Variants in PSMD13 observed in about 807,000 individuals in gnomAD.
PSMD13 encodes the protein 26S proteasome non-ATPase regulatory subunit 13.
Under a neutral mutation model 57.4 loss-of-function variants are expected in PSMD13, and 8 were observed. The ratio of observed to expected loss-of-function variants is 0.14; its 90% CI spans 0.08 to 0.25. The LOEUF is 0.25. Among genes scored for constraint, PSMD13 ranks in the 10% least tolerant of loss-of-function variants. The pLI, the probability that PSMD13 is intolerant of heterozygous loss-of-function variation, is 1.00. For synonymous variants in PSMD13, 193 were observed against 168.2 expected, an observed-to-expected ratio of 1.15 and a Z score of -1.14; for missense variants, 400 against 461.5, an observed-to-expected ratio of 0.87 and a Z score of 1.22.
chr11:241,457 G>A (rs1859514183), intron 2 of PSMD13, among the ~76,000 whole-genome samples: 1 of 152,196 alleles, frequency 6.6e-6, no homozygotes, highest in Non-Finnish European at 1.5e-5. Context: ...ATTTTATTTA[G>A]TTGACTGTTT....
At chr11:243,721 T>A (rs886586419) in intron 2 of PSMD13, among the ~76,000 whole-genome samples, 1 of 152,222 alleles carries the variant, frequency 6.6e-6, no homozygotes, top group Non-Finnish European at 1.5e-5. Flanking sequence ...GATAGTCTAT[T>A]TAGCTTACAG....
chr11:245,584 A>G (rs564574903), intron 6 of PSMD13, among the ~76,000 whole-genome samples: 109 of 151,310 alleles, frequency 7.2e-4, no homozygotes, highest in African/African-American at 2.6e-3. Flanking sequence ...GGAGACAGGT[A>G]TGGATGTGGG....
intron 2 of PSMD13, among the ~76,000 whole-genome samples, chr11:240,957 G>A (rs1859500443): frequency 6.6e-6 from 1 of 151,460 alleles, no homozygotes; most frequent in Admixed American, 6.6e-5. Context: ...ACAGCCTCCA[G>A]AGTAGCTGGG....
chr11:238,916 G>A, intron 1 of PSMD13, 82 bp from the exon 2 acceptor site: 1 of 1,314,630 alleles, frequency 7.6e-7, no homozygotes, highest in East Asian at 2.3e-5. Flanking sequence ...ACCTGTATTT[G>A]TGACTTGATA....
chr11:240,550 G>A (rs1196968956), intron 2 of PSMD13, among the ~76,000 whole-genome samples: 2 of 152,102 alleles, frequency 1.3e-5, no homozygotes, highest in Non-Finnish European at 2.9e-5. Context: ...CAACCTCATG[G>A]TAAGGTGATG....
Position 244,312 on chromosome 11 carries a change from T to C in PSMD13, c.265+96T>C, listed in dbSNP as rs531878481. On this transcript the variant is annotated intron_variant, in intron 4 of 12. Transcript: ENST00000532097. ...ACTTTTGTGTTTTCTGTATCAGATA[T>C]TATGTTTTTATTATACTTTATGGTC... 21 of 1,579,574 alleles carry C rather than the reference T, an allele frequency of 1.3e-5. No homozygotes were observed. In the East Asian group the frequency reaches 1.6e-4, roughly 12 times the overall value.
In PSMD13 at chr11:247,330, G is replaced by A. The variant is rs372417183; in HGVS notation, c.450G>A (p.Ser150=). Residue 150 remains serine, a synonymous_variant, in exon 7 of 13, where the codon TCG becomes TCA. Coordinates refer to ENST00000532097, the MANE Select transcript of PSMD13 (RefSeq NM_002817.4). ...TCAACAACCTTCCTGGTGTGACATC[G>A]GTTCACAGTCGTTTCTATGATCTCT... The part of the protein sequence containing the change: ...EMLNNLPGVT[S]VHSRFYDLSS... 6.8e-5 allele frequency: 110 copies of A among 1,613,984 alleles called. No homozygotes were observed. In the African/African-American group the frequency reaches 1.3e-3, roughly 19 times the overall value.
intron 6 of PSMD13, among the ~76,000 whole-genome samples, chr11:246,261 T>C (rs1203891127): frequency 2.6e-5 from 4 of 152,132 alleles, no homozygotes; most frequent in Non-Finnish European, 5.9e-5. Flanking sequence ...CCCAGCACTT[T>C]GGGAGGCTGA....
intron 9 of PSMD13, among the ~76,000 whole-genome samples, chr11:250,438 G>T (rs1488861229): frequency 6.6e-6 from 1 of 152,200 alleles, no homozygotes; most frequent in Non-Finnish European, 1.5e-5. Flanking sequence ...GCCCTTGAAA[G>T]AACCCCCCTG....
chr11:252,009 T>G lies in PSMD13; in HGVS notation c.1035+73T>G. The stretch of plus-strand genomic sequence containing the variant: ...TGTGTCTATACCGTCTTAGTTTCAT[T>G]TGGATGGAAGCCATTTGGGAAGACA... On this transcript the variant is annotated intron_variant, in intron 12 of 12. Transcript: ENST00000532097. This position sits in a 1 kb window ranked among gnomAD's most constrained non-coding sequence, Gnocchi z 4.1. 1 of 1,382,458 alleles carries G rather than the reference T, an allele frequency of 7.2e-7. No individual in the cohort carries two copies. The highest frequency in any genetic ancestry group is 1.3e-5 in the South Asian group (1 of 79,546). The allele number at this position is 1,382,458 out of a possible 1,614,324, so 85.6% of individuals were successfully genotyped here. A position where few individuals can be genotyped will look rare whatever the true frequency, so the allele number is the denominator to read the frequency against.
At chr11:250,540 A>G (rs1859748519) in intron 9 of PSMD13, among the ~76,000 whole-genome samples, 1 of 152,204 alleles carries the variant, frequency 6.6e-6, no homozygotes, top group African/African-American at 2.4e-5. Flanking sequence ...TGGTGTCTGT[A>G]GCATTAATAC....
In PSMD13 at chr11:239,052, T is replaced by C. The variant is rs905470222; in HGVS notation, c.150T>C (p.Phe50=). The change falls in exon 2 of 13, where the codon TTT becomes TTC. Residue 50 remains phenylalanine (F), a synonymous_variant. Transcript: ENST00000532097. ...TTGATTTTGTGCAGGATCCGTGCTT[T>C]GCCCAAGGAGATGGTCTCATTAAGG... ...QVLDFVQDPC[F]AQGDGLIKLY... The C allele has an allele frequency of 6.2e-7, 1 of 1,614,162 alleles. No individual in the cohort carries two copies. The highest frequency in any genetic ancestry group is 8.5e-7 in the Non-Finnish European group (1 of 1,180,002).
At position 252,597 on chromosome 11, in the gene PSMD13, C is replaced by T. The variant is rs1859788656; in HGVS notation, c.1128C>T (p.Thr376=). ...LVEHQAHDIL[T] ...AGCACCAGGCCCATGACATCCTCAC[C>T]TAGGGCCCCCTGGTTCCCCGTCGTG... The change falls in exon 13 of 13, where the codon ACC becomes ACT. Residue 376 remains threonine, a synonymous_variant. Coordinates refer to ENST00000532097, the MANE Select transcript of PSMD13 (RefSeq NM_002817.4). This position sits in a 1 kb window ranked among gnomAD's most constrained non-coding sequence, Gnocchi z 4.1. 6.2e-7 allele frequency: 1 copy of T among 1,613,976 alleles called. No individual in the cohort carries two copies. The highest frequency in any genetic ancestry group is 1.3e-5 in the African/African-American group (1 of 74,930).
chr11:249,342 C>A (rs1249344789), intron 9 of PSMD13, among the ~76,000 whole-genome samples: 1 of 151,944 alleles, frequency 6.6e-6, no homozygotes, highest in Non-Finnish European at 1.5e-5. Context: ...ATGTAGAAGT[C>A]ATAGTGACCT....
chr11:251,758 A>C lies in PSMD13; in HGVS notation c.919-62A>C. On this transcript the variant is annotated intron_variant, in intron 11 of 12. Coordinates refer to ENST00000532097, the MANE Select transcript of PSMD13 (RefSeq NM_002817.4). The surrounding 1 kb of genome is among the most constrained non-coding windows in gnomAD (Gnocchi z 4.6). Reference sequence around the variant, plus strand: ...GAGCGGCATCTGCTTCTCACAAGCCATCTGGGTCCATGGGGGTGTGTCAGG... The same window carrying C: ...GAGCGGCATCTGCTTCTCACAAGCCCTCTGGGTCCATGGGGGTGTGTCAGG... The C allele has an allele frequency of 6.4e-7, 1 of 1,561,516 alleles. No homozygotes were observed. Among genetic ancestry groups the C allele is most frequent in the South Asian group, 1.1e-5 (1 of 89,414 alleles).
At position 248,994 on chromosome 11, in the gene PSMD13, C is replaced by T. The variant is rs1446107759; in HGVS notation, c.711C>T (p.Leu237=). The T allele has an allele frequency of 1.2e-6, 2 of 1,614,014 alleles. No individual in the cohort carries two copies. The highest frequency in any genetic ancestry group is 1.3e-5 in the African/African-American group (1 of 74,908). Residue 237 remains leucine, a synonymous_variant, in exon 9 of 13, where the codon CTC becomes CTT. Coordinates refer to ENST00000532097, the MANE Select transcript of PSMD13 (RefSeq NM_002817.4). ...NTDRQWLIDT[L]YAFNSGNVER... ...ACCGGCAGTGGCTGATTGACACCCT[C>T]TATGCCTTCAACAGTGGCAACGTAG...
chr11:247,080 A>C (rs983589469), intron 6 of PSMD13, among the ~76,000 whole-genome samples, 197 bp from the exon 7 acceptor site: 1 of 152,136 alleles, frequency 6.6e-6, no homozygotes, highest in South Asian at 2.1e-4. Context: ...TCATCTCACA[A>C]TATATTACTT....
chr11:247,651 G>T, intron 7 of PSMD13: 1 of 454,940 alleles, frequency 2.2e-6, no homozygotes, highest in Admixed American at 4.1e-5. Context: ...GGCCAACATG[G>T]TGAAACCCTG....
chr11:251,795 T>C lies in PSMD13; in HGVS notation c.919-25T>C. 5 of 1,606,638 alleles carry C rather than the reference T, an allele frequency of 3.1e-6. No individual in the cohort carries two copies. Among genetic ancestry groups the C allele is most frequent in the Non-Finnish European group, 4.3e-6 (5 of 1,174,026 alleles). On this transcript the variant is annotated intron_variant, in intron 11 of 12. Coordinates refer to ENST00000532097, the MANE Select transcript of PSMD13 (RefSeq NM_002817.4). This position sits in a 1 kb window ranked among gnomAD's most constrained non-coding sequence, Gnocchi z 4.6. ...GGGGGTGTGTCAGGCTATCTTGTCT[T>C]ACACACGCCTCCCTCTCTGCACAGG...
Sources: gnomAD v4.1 joint callset for allele counts (sites outside exome capture counted in the v4.1 genomes callset) on GRCh38, gnomAD v4.1.1 for gene constraint, Gnocchi (gnomAD v3.1) non-coding constraint, MANE v1.5 for transcripts, NCBI Gene and HGNC (gene_info 2026-07-23, HGNC 2026-07-21) for gene names.